AGBL4: variants seen among roughly 807,000 people sequenced by gnomAD.
AGBL4 encodes AGBL carboxypeptidase 4.
In AGBL4, 58 loss-of-function variants were observed where a neutral mutation model predicts 66.4. That is an observed-to-expected ratio of 0.87 (90% CI 0.71 to 1.09). AGBL4 has a LOEUF of 1.09. Among genes scored for constraint, AGBL4 ranks in the 50% least tolerant of loss-of-function variants. The pLI is 0.00. For missense variants in AGBL4, 579 were observed against 631.0 expected, an observed-to-expected ratio of 0.92 and a Z score of 0.88; for synonymous variants, 234 against 222.9, an observed-to-expected ratio of 1.05 and a Z score of -0.44.
At chr1:49,719,939 G>A (rs1461952060) in intron 2 of AGBL4, among the ~76,000 whole-genome samples, 3 of 151,988 alleles carry the variant, frequency 2.0e-5, no homozygotes, top group Non-Finnish European at 2.9e-5. Flanking sequence ...TAAGTTTCTC[G>A]AGGCCTCTCC....
At chr1:49,555,810 A>G (rs962808656) in intron 3 of AGBL4, among the ~76,000 whole-genome samples, 4 of 152,146 alleles carry the variant, frequency 2.6e-5, no homozygotes, top group African/African-American at 9.7e-5. Context: ...ACAGAAATGC[A>G]AATCAAAACC....
At chr1:48,776,538 C>T (rs922897495) in intron 6 of AGBL4, 3 of 1,130,626 alleles carry the variant, frequency 2.7e-6, no homozygotes, top group African/African-American at 1.7e-5. Context: ...TCCGCCCGGG[C>T]CCCCGGCCCC....
intron 1 of AGBL4, among the ~76,000 whole-genome samples, chr1:49,952,230 G>A (rs1307059876): frequency 1.3e-5 from 2 of 151,822 alleles, no homozygotes; most frequent in African/African-American, 2.4e-5. Flanking sequence ...CCTCATTCCA[G>A]AGACCATGCT....
At chr1:49,133,673 A>T (rs1645946915) in intron 4 of AGBL4, among the ~76,000 whole-genome samples, 1 of 152,140 alleles carries the variant, frequency 6.6e-6, no homozygotes, top group African/African-American at 2.4e-5. Context: ...TCTAAGGAGC[A>T]GTTTGACAAT....
chr1:49,556,296 G>A (rs987059868), intron 3 of AGBL4, among the ~76,000 whole-genome samples: 43 of 151,990 alleles, frequency 2.8e-4, no homozygotes, highest in South Asian at 1.0e-3. Flanking sequence ...ACCAAACACC[G>A]CATGTTCTCA....
At chr1:49,751,468 C>T (rs1024067088) in intron 2 of AGBL4, among the ~76,000 whole-genome samples, 1 of 152,150 alleles carries the variant, frequency 6.6e-6, no homozygotes, top group East Asian at 1.9e-4. Flanking sequence ...TAATGTGCTG[C>T]TGGATTTGGT....
intron 3 of AGBL4, among the ~76,000 whole-genome samples, chr1:49,299,790 T>A (rs1644710132): frequency 6.6e-6 from 1 of 152,166 alleles, no homozygotes; most frequent in East Asian, 1.9e-4. Context: ...GTAGATGTTC[T>A]CCATCAAGTT....
At chr1:49,075,851 G>A (rs1029186738) in intron 4 of AGBL4, among the ~76,000 whole-genome samples, 1 of 152,152 alleles carries the variant, frequency 6.6e-6, no homozygotes, top group Admixed American at 6.5e-5. Flanking sequence ...GGTAGCTCAA[G>A]GCATAATCCT....
intron 2 of AGBL4, among the ~76,000 whole-genome samples, chr1:49,705,574 T>C (rs1372155470): frequency 6.6e-6 from 1 of 152,210 alleles, no homozygotes; most frequent in Non-Finnish European, 1.5e-5. Context: ...CTTTCAATAC[T>C]ATGTTGAACA....
chr1:48,894,174 G>C (rs917242111), intron 5 of AGBL4, among the ~76,000 whole-genome samples: 2 of 152,170 alleles, frequency 1.3e-5, no homozygotes, highest in African/African-American at 4.8e-5. Context: ...TAGCTGAAAT[G>C]ATGAAGATTT....
At chr1:49,262,332 G>C (rs1255374149) in intron 3 of AGBL4, among the ~76,000 whole-genome samples, 1 of 152,122 alleles carries the variant, frequency 6.6e-6, no homozygotes, top group Non-Finnish European at 1.5e-5. Context: ...AAGAGCTTCT[G>C]CACAGCAAAA....
chr1:49,566,437 C>T (rs913795749), intron 3 of AGBL4, among the ~76,000 whole-genome samples: 2 of 151,968 alleles, frequency 1.3e-5, no homozygotes, highest in Non-Finnish European at 2.9e-5. Flanking sequence ...TTTTATCTAC[C>T]TTTGGTCTTT....
Position 48,728,903 on chromosome 1 carries a change from G to A in AGBL4, c.635-65662C>T, listed in dbSNP as rs115178040. Reference sequence around the variant, plus strand: ...CTGACAACCTGGTGGGTGTGAAGTAGTGTCTCACTGCTGTGATTACTAATG... The same window carrying A: ...CTGACAACCTGGTGGGTGTGAAGTAATGTCTCACTGCTGTGATTACTAATG... On this transcript the variant is annotated intron_variant, in intron 6 of 13. Coordinates refer to ENST00000371839, the MANE Select transcript of AGBL4 (RefSeq NM_032785.4). Among the ~76,000 whole-genome samples the A allele has an allele frequency of 3.3e-3, 510 of 152,294 alleles. 4 individuals are homozygous for A. The highest frequency in any genetic ancestry group is 7.3e-3 in the Admixed American group (111 of 15,304).
At chr1:49,666,633 T>C (rs1646375749) in intron 3 of AGBL4, among the ~76,000 whole-genome samples, 1 of 151,962 alleles carries the variant, frequency 6.6e-6, no homozygotes, top group Non-Finnish European at 1.5e-5. Flanking sequence ...AAATGGTTTA[T>C]ATCCTTACAT....
At chr1:49,644,417 A>T (rs945050750) in intron 3 of AGBL4, among the ~76,000 whole-genome samples, 1 of 151,668 alleles carries the variant, frequency 6.6e-6, no homozygotes, top group Non-Finnish European at 1.5e-5. Context: ...AATCCCATTT[A>T]AAATGCAACT....
At chr1:49,041,803 G>T (rs1643949694) in intron 5 of AGBL4, among the ~76,000 whole-genome samples, 1 of 152,030 alleles carries the variant, frequency 6.6e-6, no homozygotes, top group Non-Finnish European at 1.5e-5. Context: ...GAATCTTCTT[G>T]TCTAGCCTAA....
intron 3 of AGBL4, among the ~76,000 whole-genome samples, chr1:49,404,033 A>G (rs1479210122): frequency 2.0e-5 from 3 of 152,136 alleles, no homozygotes; most frequent in African/African-American, 7.2e-5. Flanking sequence ...CATTTCTTGC[A>G]GAAAGCTTTG....
At chr1:48,762,231 C>T (rs1203194488) in intron 6 of AGBL4, among the ~76,000 whole-genome samples, 1 of 152,202 alleles carries the variant, frequency 6.6e-6, no homozygotes, top group Admixed American at 6.5e-5. Flanking sequence ...ACGACACATA[C>T]TGAATGTAAA....
chr1:48,825,757 C>A (rs938892185), intron 6 of AGBL4, among the ~76,000 whole-genome samples: 1 of 152,162 alleles, frequency 6.6e-6, no homozygotes, highest in African/African-American at 2.4e-5. Context: ...AAGTGAAAAA[C>A]TCAGAGCATC....
Sources: allele counts gnomAD v4.1 joint callset (sites outside exome capture counted in the v4.1 genomes callset), GRCh38; gene constraint gnomAD v4.1.1; transcripts MANE v1.5; gene names NCBI Gene and HGNC (gene_info 2026-07-23, HGNC 2026-07-21).